Variants in TSPAN33 observed in about 807,000 individuals in gnomAD.
TSPAN33 encodes tetraspanin 33.
In TSPAN33, 27 loss-of-function variants were observed where a neutral mutation model predicts 34.8. That is an observed-to-expected ratio of 0.78 (90% CI 0.57 to 1.07). The LOEUF (loss-of-function observed/expected upper bound fraction) is 1.07. Ranked by LOEUF, TSPAN33 falls within the 50% of genes least tolerant of loss-of-function variation. The probability of loss-of-function intolerance (pLI) is 0.00; values close to 1 mark genes in which losing one functional copy is unlikely to be tolerated. For missense variants in TSPAN33, 272 were observed against 324.9 expected (o/e 0.84, Z 1.25); for synonymous variants, 119 against 124.2 (o/e 0.96, Z 0.28).
intron 1 of TSPAN33, 70 bp from the exon 2 acceptor site, chr7:129,161,609 G>A: frequency 6.7e-7 from 1 of 1,497,860 alleles, no homozygotes; most frequent in East Asian, 2.3e-5. Flanking sequence ...GCTCTCCTAG[G>A]TTTCTCATGG....
At chr7:129,146,885 C>G (rs1810527442) in intron 1 of TSPAN33, among the ~76,000 whole-genome samples, 1 of 152,132 alleles carries the variant, frequency 6.6e-6, no homozygotes, top group South Asian at 2.1e-4. Context: ...TCACCCTTGT[C>G]TGTGCTCGCC....
intron 2 of TSPAN33, among the ~76,000 whole-genome samples, 187 bp downstream of exon 2, chr7:129,161,923 C>T (rs1414705226): frequency 6.6e-6 from 1 of 152,222 alleles, no homozygotes; most frequent in East Asian, 1.9e-4. Flanking sequence ...CCCTGAGCCC[C>T]TCTGAGTCTT....
chr7:129,154,407 A>G (rs1810640311), intron 1 of TSPAN33, among the ~76,000 whole-genome samples: 1 of 152,124 alleles, frequency 6.6e-6, no homozygotes, highest in Non-Finnish European at 1.5e-5. Context: ...AGTTTGTAAA[A>G]CTGTATGCAA....
chr7:129,162,385 CT>C lies in TSPAN33; in HGVS notation c.161-5del. ...CCAGGCTCAGGCTGAGGGCCGGCTCCTTTTCCAGAAGCAGCCCTAGCCTGCC... is the reference window on the plus strand; with the variant it reads ...CCAGGCTCAGGCTGAGGGCCGGCTCCTTTCCAGAAGCAGCCCTAGCCTGCC... On this transcript the variant is annotated splice_polypyrimidine_tract_variant and splice_region_variant and intron_variant, in intron 2 of 7. Transcript: ENST00000486685. The C allele has an allele frequency of 1.2e-6, 2 of 1,611,788 alleles. No homozygotes were observed.
Position 129,145,097 on chromosome 7 carries a change from C to T in TSPAN33, c.102+15C>T. ...TGCTCTTCTGGGTGAGTCTCGGGGTCGAGGGCACCTGGGCGGCGGGGTCCC... is the reference window on the plus strand; with the variant it reads ...TGCTCTTCTGGGTGAGTCTCGGGGTTGAGGGCACCTGGGCGGCGGGGTCCC... On this transcript the variant is annotated intron_variant, in intron 1 of 7. Transcript: ENST00000486685. 1 of 684,996 alleles carries T rather than the reference C, an allele frequency of 1.5e-6. No individual in the cohort carries two copies. The highest frequency in any genetic ancestry group is 2.7e-6 in the Non-Finnish European group (1 of 370,476). The allele number at this position is 684,996 out of a possible 1,614,324, so 42.4% of individuals were successfully genotyped here. A position where few individuals can be genotyped will look rare whatever the true frequency, so the allele number is the denominator to read the frequency against.
chr7:129,153,954 A>C (rs928784591), intron 1 of TSPAN33, among the ~76,000 whole-genome samples: 3 of 151,876 alleles, frequency 2.0e-5, no homozygotes, highest in Admixed American at 2.0e-4. Context: ...AGAAAAAAAA[A>C]GAAGAAGAAT....
At chr7:129,166,093 C>T (rs1793135919) in intron 5 of TSPAN33, among the ~76,000 whole-genome samples, 1 of 151,972 alleles carries the variant, frequency 6.6e-6, no homozygotes, top group Non-Finnish European at 1.5e-5. Context: ...GCCTGCCAAA[C>T]CACGCCCAGC....
intron 1 of TSPAN33, among the ~76,000 whole-genome samples, chr7:129,153,807 G>A (rs1212909899): frequency 6.6e-6 from 1 of 151,966 alleles, no homozygotes; most frequent in Non-Finnish European, 1.5e-5. Context: ...CCCAGTTGGT[G>A]GCATGTGTCT....
In TSPAN33 at chr7:129,162,411, C is replaced by T. The variant is rs768029047; in HGVS notation, c.178C>T (p.Leu60=). The change falls in exon 3 of 8, where the codon CTG becomes TTG. Residue 60 remains leucine, a synonymous_variant. Transcript: ENST00000486685. ...TTTTCCAGAAGCAGCCCTAGCCTGC[C>T]TGGCAGTGGACCCTGCCATCCTGCT... is the stretch of plus-strand genomic sequence containing the variant. ...MKHAEAALAC[L]AVDPAILLIV... 1 of 1,613,532 alleles carries T rather than the reference C, an allele frequency of 6.2e-7. No individual in the cohort carries two copies. The highest frequency in any genetic ancestry group is 1.3e-5 in the African/African-American group (1 of 74,950).
At chr7:129,163,855 T>G (rs1263311203) in intron 4 of TSPAN33, among the ~76,000 whole-genome samples, 1 of 151,992 alleles carries the variant, frequency 6.6e-6, no homozygotes, top group East Asian at 1.9e-4. Context: ...GCACAAGAAT[T>G]GCTTGAACCC....
intron 1 of TSPAN33, among the ~76,000 whole-genome samples, chr7:129,147,133 C>T (rs1319876842): frequency 6.6e-6 from 1 of 152,082 alleles, no homozygotes; most frequent in African/African-American, 2.4e-5. Context: ...AATAGAGCCC[C>T]TTCTTGGCCC....
Position 129,144,830 on chromosome 7 carries a change from G to A in TSPAN33, c.-151G>A, listed in dbSNP as rs1778025632. On this transcript the variant is annotated 5_prime_UTR_variant, in exon 1 of 8. Coordinates refer to ENST00000486685, the MANE Select transcript of TSPAN33 (RefSeq NM_178562.5). ...CGGCCCGCGCCGCTCCCGGCCCCCC[G>A]GCTCGGGCGCCTCCCGCCGCAGCGC... The A allele has an allele frequency of 6.8e-6, 1 of 147,754 alleles. No homozygotes were observed. Among genetic ancestry groups the A allele is most frequent in the African/African-American group, 2.5e-5 (1 of 40,790 alleles). 9.2% of individuals were successfully genotyped at this position (147,754 alleles called of 1,614,324 possible).
chr7:129,153,518 A>G (rs2150622712), intron 1 of TSPAN33, among the ~76,000 whole-genome samples: 1 of 152,362 alleles, frequency 6.6e-6, no homozygotes, highest in Middle Eastern at 3.4e-3. Flanking sequence ...AGGAGAGTTA[A>G]TCTCTAAATG....
intron 3 of TSPAN33, 147 bp from the exon 4 acceptor site, chr7:129,162,686 C>A: frequency 7.1e-7 from 1 of 1,399,854 alleles, no homozygotes; most frequent in Non-Finnish European, 9.8e-7. Flanking sequence ...GGTGGCCACC[C>A]CCAAGACAGT....
In TSPAN33 at chr7:129,144,746, G is replaced by C. The variant is rs1810492035; in HGVS notation, c.-235G>C. The stretch of plus-strand genomic sequence containing the variant: ...GGCCGGGCTGGTCCTGCGGCCGCGG[G>C]TGAGTCTCGTCCGCTCGCGCTGCCC... On this transcript the variant is annotated 5_prime_UTR_variant, in exon 1 of 8. Coordinates refer to ENST00000486685, the MANE Select transcript of TSPAN33 (RefSeq NM_178562.5). 1 of 151,788 alleles carries C rather than the reference G, an allele frequency of 6.6e-6. No homozygotes were observed. 9.4% of individuals were successfully genotyped at this position (151,788 alleles called of 1,614,324 possible).
In TSPAN33 at chr7:129,168,893, T is replaced by C. The variant is rs921317516; in HGVS notation, c.*1019T>C. 4 of 152,108 alleles carry C rather than the reference T, an allele frequency of 2.6e-5. No individual in the cohort carries two copies. Among genetic ancestry groups the C allele is most frequent in the Admixed American group, 1.3e-4 (2 of 15,268 alleles). The allele number at this position is 152,108 out of a possible 1,614,324, so 9.4% of individuals were successfully genotyped here. A position where few individuals can be genotyped will look rare whatever the true frequency, so the allele number is the denominator to read the frequency against. Reference sequence around the variant, plus strand: ...TGGAAGGGGAGGTGTAGAAGGGCCCTGCAGAGGACGGCACTGGAGACTCTC... The same window carrying C: ...TGGAAGGGGAGGTGTAGAAGGGCCCCGCAGAGGACGGCACTGGAGACTCTC... On this transcript the variant is annotated 3_prime_UTR_variant, in exon 8 of 8. Transcript: ENST00000486685.
At chr7:129,152,364 TAC>T (rs1405963726) in intron 1 of TSPAN33, among the ~76,000 whole-genome samples, 17 of 152,196 alleles carry the variant, frequency 1.1e-4, no homozygotes, top group African/African-American at 3.1e-4. Context: ...ACAATTGTGT[TAC>T]AGTCACACAA....
At chr7:129,166,129 G>A (rs1793136514) in intron 5 of TSPAN33, among the ~76,000 whole-genome samples, 1 of 152,022 alleles carries the variant, frequency 6.6e-6, no homozygotes, top group Non-Finnish European at 1.5e-5. Context: ...TAGTAAAGAT[G>A]GGGTTTTGCA....
intron 1 of TSPAN33, among the ~76,000 whole-genome samples, chr7:129,147,488 A>T (rs1810536545): frequency 6.6e-6 from 1 of 152,202 alleles, no homozygotes; most frequent in Admixed American, 6.5e-5. Flanking sequence ...TATTCATACA[A>T]GAGCAGCTGG....
Sources: allele counts gnomAD v4.1 joint callset (sites outside exome capture counted in the v4.1 genomes callset), GRCh38; gene constraint gnomAD v4.1.1; transcripts MANE v1.5; gene names NCBI Gene and HGNC (gene_info 2026-07-23, HGNC 2026-07-21).